PRKCE: variants seen among roughly 807,000 people sequenced by gnomAD.
PRKCE encodes protein kinase C epsilon type.
Under a neutral mutation model 85.4 loss-of-function variants are expected in PRKCE, and 16 were observed. That is an observed-to-expected ratio of 0.19 (90% CI 0.13 to 0.28). The LOEUF (loss-of-function observed/expected upper bound fraction) is 0.28, where lower values mean the gene tolerates loss of function less well. Among genes scored for constraint, PRKCE ranks in the 10% least tolerant of loss-of-function variants. PRKCE has a pLI of 1.00. For missense variants in PRKCE, 573 were observed against 975.2 expected (o/e 0.59, Z 5.49); for synonymous variants, 388 against 371.5 (o/e 1.04, Z -0.51).
At chr2:45,792,158 G>C (rs1337468022) in intron 1 of PRKCE, among the ~76,000 whole-genome samples, 1 of 152,132 alleles carries the variant, frequency 6.6e-6, no homozygotes, top group African/African-American at 2.4e-5. Context: ...TCACAACATG[G>C]CAGAAGGGCA....
chr2:46,007,812 G>C, intron 9 of PRKCE, 151 bp downstream of exon 9: 1 of 777,970 alleles, frequency 1.3e-6, no homozygotes, highest in Non-Finnish European at 2.0e-6. Context: ...CTGAGGCCAA[G>C]TAGATAGGAG....
intron 1 of PRKCE, chr2:45,840,531 A>T (rs1691258237): frequency 6.6e-6 from 1 of 152,198 alleles, no homozygotes; most frequent in African/African-American, 2.4e-5. Flanking sequence ...CTGGATTTAA[A>T]ACCGAAGATC....
At chr2:45,744,315 A>G (rs528282009) in intron 1 of PRKCE, among the ~76,000 whole-genome samples, 225 of 152,308 alleles carry the variant, frequency 1.5e-3, no homozygotes, top group African/African-American at 5.0e-3. Flanking sequence ...AAAATTTCCT[A>G]GAGAAGGCAA....
chr2:46,096,208 C>T (rs999913525), intron 11 of PRKCE, among the ~76,000 whole-genome samples: 11 of 152,228 alleles, frequency 7.2e-5, no homozygotes, highest in Admixed American at 2.0e-4. Flanking sequence ...GTTTGAAATG[C>T]AGTTTTCTCA....
At chr2:45,715,711 C>A (rs1334297531) in intron 1 of PRKCE, among the ~76,000 whole-genome samples, 4 of 152,168 alleles carry the variant, frequency 2.6e-5, no homozygotes, top group Admixed American at 2.6e-4. Context: ...GGGGGATTAT[C>A]TGTGGGTGGA....
Position 46,063,993 on chromosome 2 carries a change from G to A in PRKCE, c.1438-22215G>A, listed in dbSNP as rs543381307. Among the ~76,000 whole-genome samples, 59 of 152,206 alleles carry A rather than the reference G, an allele frequency of 3.9e-4. No individual in the cohort carries two copies. The Middle Eastern group carries it at 0.014, about 35-fold the overall frequency. On this transcript the variant is annotated intron_variant, in intron 10 of 14. Coordinates refer to ENST00000306156, the MANE Select transcript of PRKCE (RefSeq NM_005400.3). ...CAGTATTTTACTGTCTATGAAAATG[G>A]TTAACTGGTCGGGCACAGTGGCTCA...
intron 2 of PRKCE, among the ~76,000 whole-genome samples, chr2:45,930,235 G>A (rs756280196): frequency 2.6e-5 from 4 of 152,196 alleles, no homozygotes; most frequent in Non-Finnish European, 2.9e-5. Context: ...AGAAATAGAG[G>A]AAGGCTAACT....
At chr2:45,864,487 GA>G (rs1408930119) in intron 2 of PRKCE, among the ~76,000 whole-genome samples, 4 of 130,396 alleles carry the variant, frequency 3.1e-5, no homozygotes, top group Non-Finnish European at 6.7e-5. Flanking sequence ...CATTGTAATA[GA>G]AATATTTTTT....
chr2:46,161,641 A>T (rs1677771510), intron 14 of PRKCE, among the ~76,000 whole-genome samples: 1 of 151,988 alleles, frequency 6.6e-6, no homozygotes, highest in Non-Finnish European at 1.5e-5. Context: ...GTGAGGAGAG[A>T]GAGGGTCTGG....
rs867563369 is a variant in PRKCE at position 46,172,029 on chromosome 2, A to C, written c.2067+12277A>C. On this transcript the variant is annotated intron_variant, in intron 14 of 14. Transcript: ENST00000306156. ...ACAGCAGCAGCAGACACGTCCCTTG[A>C]GTGGCCTCAGGAATGGTTTCAGAGC... is the stretch of plus-strand genomic sequence containing the variant. 2.6e-5 allele frequency among the ~76,000 whole-genome samples: 4 copies of C among 152,336 alleles called. No homozygotes were observed. In the Middle Eastern group the frequency reaches 0.01, roughly 389 times the overall value.
chr2:45,882,169 A>T (rs1191308428), intron 2 of PRKCE, among the ~76,000 whole-genome samples: 1 of 152,190 alleles, frequency 6.6e-6, no homozygotes, highest in African/African-American at 2.4e-5. Flanking sequence ...TCATGATGTC[A>T]TAGCTAATAT....
chr2:45,737,509 G>A (rs1369890768), intron 1 of PRKCE, among the ~76,000 whole-genome samples: 3 of 152,158 alleles, frequency 2.0e-5, no homozygotes, highest in African/African-American at 4.8e-5. Flanking sequence ...ATTTGCCAAC[G>A]GCCCGGGGCT....
rs553889739 is a variant in PRKCE, at chr2:46,139,386, TATAACGGAAGAA to T, written c.1593-5705_1593-5694del. On this transcript the variant is annotated intron_variant, in intron 11 of 14. Transcript: ENST00000306156. The surrounding 1 kb of genome is among the most constrained non-coding windows in gnomAD (Gnocchi z 5.2). ...TATACATGTGTGAGCAGATAGAAGA[TATAACGGAAGAA>T]AGCCCCCATTTACCAGAAGAATTTA... 2.6e-5 allele frequency among the ~76,000 whole-genome samples: 4 copies of T among 152,272 alleles called. No individual in the cohort carries two copies. The highest frequency in any genetic ancestry group is 9.6e-5 in the African/African-American group (4 of 41,564).
intron 1 of PRKCE, among the ~76,000 whole-genome samples, chr2:45,655,554 T>C (rs1675337180): frequency 6.6e-6 from 1 of 152,100 alleles, no homozygotes; most frequent in Admixed American, 6.6e-5. Flanking sequence ...GGCTAGGCAC[T>C]GTGGCTCATG....
Position 46,184,802 on chromosome 2 carries a change from T to C in PRKCE, c.2135T>C (p.Val712Ala), listed in dbSNP as rs1464285768. The change falls in exon 15 of 15, where the codon GTG (valine) becomes GCG (alanine). Residue 712 changes from valine to alanine, a missense_variant. Coordinates refer to ENST00000306156, the MANE Select transcript of PRKCE (RefSeq NM_005400.3). This position sits in a 1 kb window ranked among gnomAD's most constrained non-coding sequence, Gnocchi z 5.0. ...FTREEPVLTLVDEAIVKQINQ... is the reference protein window; with the variant it reads ...FTREEPVLTLADEAIVKQINQ... ...CGGGAAGAGCCGGTACTCACCCTTG[T>C]GGACGAAGCAATTGTAAAGCAGATC... 1 of 1,599,788 alleles carries C rather than the reference T, an allele frequency of 6.3e-7. No homozygotes were observed. Among genetic ancestry groups the C allele is most frequent in the Admixed American group, 1.7e-5 (1 of 60,026 alleles).
chr2:45,717,219 G>A (rs1680206387), intron 1 of PRKCE, among the ~76,000 whole-genome samples: 1 of 152,200 alleles, frequency 6.6e-6, no homozygotes, highest in South Asian at 2.1e-4. Flanking sequence ...GAGGAGCCCA[G>A]TTCTCCCATT....
At chr2:45,698,414 G>C (rs563364669) in intron 1 of PRKCE, among the ~76,000 whole-genome samples, 1 of 152,112 alleles carries the variant, frequency 6.6e-6, no homozygotes, top group African/African-American at 2.4e-5. Flanking sequence ...GTCCCCAGCC[G>C]GTGGGGACCT....
chr2:45,830,604 C>T (rs185619944), intron 1 of PRKCE, among the ~76,000 whole-genome samples: 68 of 152,250 alleles, frequency 4.5e-4, no homozygotes, highest in Admixed American at 9.8e-4. Context: ...AGAAGAGTAT[C>T]TCCCACAAAT....
At chr2:45,993,518 A>C (rs919469920) in intron 6 of PRKCE, among the ~76,000 whole-genome samples, 2 of 152,200 alleles carry the variant, frequency 1.3e-5, no homozygotes, top group Non-Finnish European at 2.9e-5. Flanking sequence ...AAACCAAAAA[A>C]AGATACCCCC....
Sources: allele counts gnomAD v4.1 joint callset (sites outside exome capture counted in the v4.1 genomes callset), GRCh38; gene constraint gnomAD v4.1.1; non-coding constraint Gnocchi (gnomAD v3.1); transcripts MANE v1.5; gene names NCBI Gene and HGNC (gene_info 2026-07-23, HGNC 2026-07-21).